SV2B: variants seen among roughly 807,000 people sequenced by gnomAD.
The protein encoded by SV2B is synaptic vesicle glycoprotein 2B.
Under a neutral mutation model 73.9 loss-of-function variants are expected in SV2B, and 41 were observed. That is an observed-to-expected ratio of 0.56 (90% CI 0.43 to 0.72). The LOEUF is 0.72. Ranked by LOEUF, SV2B falls within the 30% of genes least tolerant of loss-of-function variation. SV2B has a pLI of 0.00. For missense variants in SV2B, 764 were observed against 857.8 expected (o/e 0.89, Z 1.37); for synonymous variants, 314 against 314.2 (o/e 1.00, Z 0.01).
In SV2B at chr15:91,265,153, C is replaced by T. The variant is rs986672309; in HGVS notation, c.1009-1429C>T. On this transcript the variant is annotated intron_variant, in intron 6 of 12. Coordinates refer to ENST00000394232, the MANE Select transcript of SV2B (RefSeq NM_001323032.3). The surrounding 1 kb of genome is among the most constrained non-coding windows in gnomAD (Gnocchi z 4.2). ...CTCCTGTGCGTGTCCCATCAGCAGA[C>T]GTGCTCATAGATGTATTCAGTGGCC... 3.3e-5 allele frequency among the ~76,000 whole-genome samples: 5 copies of T among 152,180 alleles called. No individual in the cohort carries two copies. The highest frequency in any genetic ancestry group is 9.7e-5 in the African/African-American group (4 of 41,440).
chr15:91,258,429 T>C lies in SV2B; in HGVS notation c.793T>C (p.Phe265Leu). Reference sequence around the variant, plus strand: ...TGACTGCTCCTTTGCAGGCTGGGGCTTCAGCATGGGGACCAATTACCACTT... The same window carrying C: ...TGACTGCTCCTTTGCAGGCTGGGGCCTCAGCATGGGGACCAATTACCACTT... ...WSIIPHYGWGFSMGTNYHFHS... is the reference protein window; with the variant it reads ...WSIIPHYGWGLSMGTNYHFHS... The change falls in exon 5 of 13, where the codon TTC becomes CTC. Residue 265 changes from phenylalanine (F) to leucine (L), a missense_variant. Phe to Leu is a conservative substitution (Grantham distance 22). Transcript: ENST00000394232. This position sits in a 1 kb window ranked among gnomAD's most constrained non-coding sequence, Gnocchi z 4.7. 1 of 1,614,040 alleles carries C rather than the reference T, an allele frequency of 6.2e-7. No individual in the cohort carries two copies. Among genetic ancestry groups the C allele is most frequent in the Non-Finnish European group, 8.5e-7 (1 of 1,179,970 alleles).
At chr15:91,213,335 T>C (rs1335020490) in intron 1 of SV2B, among the ~76,000 whole-genome samples, 3 of 152,096 alleles carry the variant, frequency 2.0e-5, no homozygotes, top group Non-Finnish European at 4.4e-5. Flanking sequence ...GAGATGCAGT[T>C]AGGGTGTAGC....
At position 91,225,911 on chromosome 15, in the gene SV2B, G is replaced by A. The variant is rs909903809; in HGVS notation, c.-353G>A. On this transcript the variant is annotated 5_prime_UTR_variant, in exon 2 of 13. Coordinates refer to ENST00000394232, the MANE Select transcript of SV2B (RefSeq NM_001323032.3). ...GTGGCAGGACAAATCAGGCCAGCAC[G>A]CAGTCTGCCAAGTCCTGCTCGCTCC... The A allele has an allele frequency of 1.0e-5, 3 of 289,144 alleles. No individual in the cohort carries two copies. Among genetic ancestry groups the A allele is most frequent in the African/African-American group, 4.6e-5 (2 of 43,722 alleles). 17.9% of individuals were successfully genotyped at this position (289,144 alleles called of 1,614,324 possible).
intron 2 of SV2B, among the ~76,000 whole-genome samples, chr15:91,238,002 A>G (rs1211215263): frequency 6.6e-6 from 1 of 152,066 alleles, no homozygotes; most frequent in African/African-American, 2.4e-5. Context: ...TGAGTGCTGG[A>G]CCCCAGTTCC....
At chr15:91,276,817 A>ATTG (rs2048507565) in intron 9 of SV2B, among the ~76,000 whole-genome samples, 1 of 149,196 alleles carries the variant, frequency 6.7e-6, no homozygotes, top group African/African-American at 2.5e-5. Context: ...TATTATTATT[A>ATTG]TTATTATTAT....
At chr15:91,259,803 G>C (rs1018597470) in intron 5 of SV2B, among the ~76,000 whole-genome samples, 10 of 152,106 alleles carry the variant, frequency 6.6e-5, no homozygotes, top group African/African-American at 9.7e-5. Flanking sequence ...TTCCTATAAG[G>C]GCAGCAGTTA....
Position 91,141,054 on chromosome 15 carries a change from G to T in SV2B, c.-392+40691G>T, listed in dbSNP as rs997040563. ...AAGCACTCAGGTGGCAGGACTTATA[G>T]CTAAGAGTGGCATAGGATCACACTG... On this transcript the variant is annotated intron_variant, in intron 1 of 12. Coordinates refer to ENST00000394232, the MANE Select transcript of SV2B (RefSeq NM_001323032.3). This position sits in a 1 kb window ranked among gnomAD's most constrained non-coding sequence, Gnocchi z 4.6. Among the ~76,000 whole-genome samples the T allele has an allele frequency of 6.6e-6, 1 of 152,202 alleles. No individual in the cohort carries two copies. The highest frequency in any genetic ancestry group is 1.5e-5 in the Non-Finnish European group (1 of 68,030).
In SV2B at chr15:91,205,066, C is replaced by T. The variant is rs112131279; in HGVS notation, c.-391-20807C>T. Among the ~76,000 whole-genome samples the T allele has an allele frequency of 8.6e-3, 1,314 of 152,324 alleles. 21 individuals carry two copies. Among genetic ancestry groups the T allele is most frequent in the African/African-American group, 0.03 (1,257 of 41,580 alleles). On this transcript the variant is annotated intron_variant, in intron 1 of 12. Coordinates refer to ENST00000394232, the MANE Select transcript of SV2B (RefSeq NM_001323032.3). ...CATGTGTTAAAAGATTACAGACTCA[C>T]TGTTATTTAGAAAGAAGTTTATCCA...
rs1213160873 is a variant in SV2B, at chr15:91,280,432, A to T, written c.1374-1296A>T. 3.3e-5 allele frequency among the ~76,000 whole-genome samples: 5 copies of T among 152,210 alleles called. No individual in the cohort carries two copies. The highest frequency in any genetic ancestry group is 7.3e-5 in the Non-Finnish European group (5 of 68,040). Reference sequence around the variant, plus strand: ...AGCAGGGACCATGACTTTCCTCTCTATACTCATAGCACCTAGTACCATGCT... The same window carrying T: ...AGCAGGGACCATGACTTTCCTCTCTTTACTCATAGCACCTAGTACCATGCT... On this transcript the variant is annotated intron_variant, in intron 9 of 12. Coordinates refer to ENST00000394232, the MANE Select transcript of SV2B (RefSeq NM_001323032.3). This position sits in a 1 kb window ranked among gnomAD's most constrained non-coding sequence, Gnocchi z 5.8.
chr15:91,132,736 AGGC>A lies in SV2B; in HGVS notation c.-392+32374_-392+32376del, dbSNP rs1178911394. Among the ~76,000 whole-genome samples, 2 of 152,072 alleles carry A rather than the reference AGGC, an allele frequency of 1.3e-5. No homozygotes were observed. Among genetic ancestry groups the A allele is most frequent in the Non-Finnish European group, 2.9e-5 (2 of 68,010 alleles). On this transcript the variant is annotated intron_variant, in intron 1 of 12. Transcript: ENST00000394232. The surrounding 1 kb of genome is among the most constrained non-coding windows in gnomAD (Gnocchi z 4.6). Reference sequence around the variant, plus strand: ...ATGCCTGTAGTCCCAGCTACTGGAGAGGCTGAGGTGGGAGGATCCGTTGAGCCC... The same window carrying A: ...ATGCCTGTAGTCCCAGCTACTGGAGATGAGGTGGGAGGATCCGTTGAGCCC...
intron 1 of SV2B, among the ~76,000 whole-genome samples, chr15:91,169,915 A>G (rs756928136): frequency 5.9e-5 from 9 of 152,208 alleles, no homozygotes; most frequent in Non-Finnish European, 1.3e-4. Flanking sequence ...TCACTGGGAA[A>G]ATCAGCGGCG....
At chr15:91,199,839 A>G (rs2045396924) in intron 1 of SV2B, among the ~76,000 whole-genome samples, 3 of 152,198 alleles carry the variant, frequency 2.0e-5, no homozygotes, top group Admixed American at 6.5e-5. Context: ...ATGATGAGGC[A>G]GCAAACATAC....
intron 1 of SV2B, among the ~76,000 whole-genome samples, chr15:91,148,083 C>G (rs1164570281): frequency 1.4e-5 from 2 of 138,282 alleles, no homozygotes; most frequent in African/African-American, 2.7e-5. Context: ...CGGGTTCAAG[C>G]AATTCTTCTG....
intron 1 of SV2B, among the ~76,000 whole-genome samples, chr15:91,167,113 G>T (rs998488842): frequency 6.6e-6 from 1 of 151,962 alleles, no homozygotes; most frequent in African/African-American, 2.4e-5. Flanking sequence ...GCGCCCGGCC[G>T]TATAGTTTTT....
At position 91,265,421 on chromosome 15, in the gene SV2B, T is replaced by G. The variant is rs192581223; in HGVS notation, c.1009-1161T>G. Among the ~76,000 whole-genome samples, 2 of 152,328 alleles carry G rather than the reference T, an allele frequency of 1.3e-5. No individual in the cohort carries two copies. Reference sequence around the variant, plus strand: ...CGTAAATTAGAGTGAGTAATTATGCTTCAAGTTGTCAACACACTCACTCCC... The same window carrying G: ...CGTAAATTAGAGTGAGTAATTATGCGTCAAGTTGTCAACACACTCACTCCC... On this transcript the variant is annotated intron_variant, in intron 6 of 12. Coordinates refer to ENST00000394232, the MANE Select transcript of SV2B (RefSeq NM_001323032.3). This position sits in a 1 kb window ranked among gnomAD's most constrained non-coding sequence, Gnocchi z 4.2.
chr15:91,263,220 A>T (rs2047977949), intron 6 of SV2B, among the ~76,000 whole-genome samples: 1 of 120,254 alleles, frequency 8.3e-6, no homozygotes, highest in African/African-American at 5.5e-5. Flanking sequence ...ACACATGAAC[A>T]CAGACACACA....
At chr15:91,206,825 G>A (rs908569323) in intron 1 of SV2B, among the ~76,000 whole-genome samples, 10 of 152,126 alleles carry the variant, frequency 6.6e-5, no homozygotes, top group Non-Finnish European at 1.3e-4. Flanking sequence ...TTTAGGAGGG[G>A]AAATGTGTCC....
At chr15:91,269,517 ACAC>A (rs2048223653) in intron 9 of SV2B, among the ~76,000 whole-genome samples, 1 of 152,172 alleles carries the variant, frequency 6.6e-6, no homozygotes, top group African/African-American at 2.4e-5. Flanking sequence ...TACAAAATTA[ACAC>A]CACGAATTCT....
At position 91,138,209 on chromosome 15, in the gene SV2B, C is replaced by T. The variant is rs79936236; in HGVS notation, c.-392+37846C>T. On this transcript the variant is annotated intron_variant, in intron 1 of 12. Coordinates refer to ENST00000394232, the MANE Select transcript of SV2B (RefSeq NM_001323032.3). Reference sequence around the variant, plus strand: ...ACCTGAATCTGAGGCGGAGCATGTCCAATGGAGCTTTCTGCAATGATAGGA... The same window carrying T: ...ACCTGAATCTGAGGCGGAGCATGTCTAATGGAGCTTTCTGCAATGATAGGA... Among the ~76,000 whole-genome samples the T allele has an allele frequency of 1.8e-4, 28 of 152,294 alleles. No homozygotes were observed. In the East Asian group the frequency reaches 4.0e-3, roughly 22 times the overall value.
Sources: gnomAD v4.1 joint callset for allele counts (sites outside exome capture counted in the v4.1 genomes callset) on GRCh38, gnomAD v4.1.1 for gene constraint, Gnocchi (gnomAD v3.1) non-coding constraint, MANE v1.5 for transcripts, NCBI Gene and HGNC (gene_info 2026-07-23, HGNC 2026-07-21) for gene names.